LYPD6: variants seen among roughly 807,000 people sequenced by gnomAD.
LYPD6 encodes LY6/PLAUR domain containing 6.
A neutral mutation model predicts 22.7 loss-of-function variants in LYPD6; 15 were observed. The observed-to-expected ratio is 0.66, with a 90% CI of 0.44 to 1.02. LYPD6 has a LOEUF of 1.02. Among genes scored for constraint, LYPD6 ranks in the 50% least tolerant of loss-of-function variants. LYPD6 has a pLI of 0.00. For missense variants in LYPD6, 189 were observed against 208.4 expected, an observed-to-expected ratio of 0.91 and a Z score of 0.57; for synonymous variants, 72 against 77.5, an observed-to-expected ratio of 0.93 and a Z score of 0.37.
At chr2:149,377,637 C>A (rs569009558) in intron 1 of LYPD6, among the ~76,000 whole-genome samples, 1 of 152,100 alleles carries the variant, frequency 6.6e-6, no homozygotes, top group African/African-American at 2.4e-5. Context: ...AAAGTTAGCC[C>A]GGTGTGGTGG....
chr2:149,408,057 G>A (rs143572102), intron 1 of LYPD6, among the ~76,000 whole-genome samples: 3,371 of 152,238 alleles, frequency 0.022, 104 homozygotes, highest in African/African-American at 0.077. Flanking sequence ...GGATTTTCGT[G>A]ATCTGCGAAT....
At chr2:149,415,961 C>T (rs1286497248) in intron 1 of LYPD6, among the ~76,000 whole-genome samples, 1 of 152,164 alleles carries the variant, frequency 6.6e-6, no homozygotes, top group Non-Finnish European at 1.5e-5. Flanking sequence ...GGATTATAGG[C>T]AGGAGTCACC....
chr2:149,444,652 G>A (rs1314296042), intron 2 of LYPD6, among the ~76,000 whole-genome samples: 4 of 151,854 alleles, frequency 2.6e-5, no homozygotes, highest in Admixed American at 1.3e-4. Context: ...CTCAAGAAAC[G>A]GCTTTTTTTT....
intron 1 of LYPD6, among the ~76,000 whole-genome samples, chr2:149,389,401 A>G (rs1682260539): frequency 6.6e-6 from 1 of 152,198 alleles, no homozygotes; most frequent in African/African-American, 2.4e-5. Flanking sequence ...TGGCATAAAA[A>G]CAGTCACAGC....
chr2:149,428,629 A>C (rs990451597), intron 1 of LYPD6, among the ~76,000 whole-genome samples: 2 of 152,198 alleles, frequency 1.3e-5, no homozygotes, highest in Non-Finnish European at 2.9e-5. Flanking sequence ...AATGTCCAAC[A>C]CTGACCCAAA....
chr2:149,412,911 A>C (rs1402604660), intron 1 of LYPD6, among the ~76,000 whole-genome samples: 1 of 152,168 alleles, frequency 6.6e-6, no homozygotes, highest in Admixed American at 6.5e-5. Context: ...TTAACTCATC[A>C]TGCTCTCCAT....
intron 2 of LYPD6, among the ~76,000 whole-genome samples, chr2:149,448,667 T>A (rs1419161942): frequency 6.6e-6 from 1 of 152,250 alleles, no homozygotes; most frequent in African/African-American, 2.4e-5. Flanking sequence ...CCAAATAATT[T>A]CCTGGAAACT....
intron 1 of LYPD6, among the ~76,000 whole-genome samples, chr2:149,346,841 C>G (rs1359592976): frequency 6.6e-6 from 1 of 152,180 alleles, no homozygotes; most frequent in Non-Finnish European, 1.5e-5. Context: ...GCTGGGACTA[C>G]AGGCAAGTGC....
chr2:149,413,403 G>A (rs979819125), intron 1 of LYPD6, among the ~76,000 whole-genome samples: 2 of 152,150 alleles, frequency 1.3e-5, no homozygotes, highest in Non-Finnish European at 2.9e-5. Context: ...GTGAAATGAC[G>A]AGATAGAGAG....
intron 1 of LYPD6, among the ~76,000 whole-genome samples, chr2:149,407,826 C>T (rs1682756654): frequency 6.6e-6 from 1 of 152,086 alleles, no homozygotes; most frequent in Non-Finnish European, 1.5e-5. Context: ...TTAGAGTTTC[C>T]AGTTTTTCTG....
At chr2:149,456,950 C>T (rs758725621) in intron 3 of LYPD6, among the ~76,000 whole-genome samples, 3 of 152,112 alleles carry the variant, frequency 2.0e-5, no homozygotes, top group African/African-American at 4.8e-5. Context: ...TCATCCATTT[C>T]GTTAGATTTA....
intron 1 of LYPD6, among the ~76,000 whole-genome samples, chr2:149,339,337 G>A (rs1242600327): frequency 2.0e-5 from 3 of 152,168 alleles, no homozygotes; most frequent in Admixed American, 6.5e-5. Flanking sequence ...TGGAGCCATC[G>A]TGGCTTAGAA....
At chr2:149,404,608 G>A (rs1006482766) in intron 1 of LYPD6, among the ~76,000 whole-genome samples, 4 of 152,154 alleles carry the variant, frequency 2.6e-5, no homozygotes, top group Non-Finnish European at 1.5e-5. Context: ...TGCTGAAGTT[G>A]CTTATCAGCT....
intron 3 of LYPD6, among the ~76,000 whole-genome samples, chr2:149,455,801 T>C (rs1377846901): frequency 3.9e-5 from 6 of 152,356 alleles, no homozygotes; most frequent in South Asian, 2.1e-4. Flanking sequence ...CTTTTTGGAA[T>C]TGGCCTTGGT....
At chr2:149,441,089 A>AT (rs1429447716) in intron 2 of LYPD6, among the ~76,000 whole-genome samples, 3 of 152,078 alleles carry the variant, frequency 2.0e-5, no homozygotes, top group African/African-American at 7.2e-5. Flanking sequence ...TCACACTTTG[A>AT]TTTTTTAAAT....
rs1038294320 is a variant in LYPD6 at position 149,406,634 on chromosome 2, G to C, written c.-71-31004G>C. ...TTTGAGCCTATGTGTGTCTCTGCAC[G>C]TGAGATGGGTTTCCTGAATACAGCA... On this transcript the variant is annotated intron_variant, in intron 1 of 4. Coordinates refer to ENST00000334166, the MANE Select transcript of LYPD6 (RefSeq NM_194317.5). Among the ~76,000 whole-genome samples the C allele has an allele frequency of 7.2e-5, 11 of 152,228 alleles. No individual in the cohort carries two copies. In the South Asian group the frequency reaches 2.3e-3, roughly 32 times the overall value.
intron 1 of LYPD6, among the ~76,000 whole-genome samples, chr2:149,361,249 A>G (rs1681566858): frequency 6.6e-6 from 1 of 152,162 alleles, no homozygotes; most frequent in Admixed American, 6.5e-5. Context: ...GATTCCTTAT[A>G]TAGATTTAAG....
chr2:149,452,735 A>G lies in LYPD6; in HGVS notation c.217+3588A>G, dbSNP rs551659955. ...GAATTTTCTAAAGCTAACCTCAGTC[A>G]CATGCATGTGCATAGAGACATAGTG... On this transcript the variant is annotated intron_variant, in intron 3 of 4. Transcript: ENST00000334166. Among the ~76,000 whole-genome samples the G allele has an allele frequency of 3.0e-3, 457 of 152,348 alleles. 1 individual carries two copies. The highest frequency in any genetic ancestry group is 0.01 in the African/African-American group (430 of 41,590).
At chr2:149,382,210 A>G (rs1676965629) in intron 1 of LYPD6, among the ~76,000 whole-genome samples, 1 of 152,192 alleles carries the variant, frequency 6.6e-6, no homozygotes, top group Non-Finnish European at 1.5e-5. Context: ...ATTAATTAAC[A>G]CTAGAAGTTA....
Sources: gnomAD v4.1 joint callset for allele counts (sites outside exome capture counted in the v4.1 genomes callset) on GRCh38, gnomAD v4.1.1 for gene constraint, MANE v1.5 for transcripts, NCBI Gene and HGNC (gene_info 2026-07-23, HGNC 2026-07-21) for gene names.